Variants in HNRNPUL1 observed in about 807,000 individuals in gnomAD.
The protein encoded by HNRNPUL1 is heterogeneous nuclear ribonucleoprotein U like 1.
A neutral mutation model predicts 108.5 loss-of-function variants in HNRNPUL1; 14 were observed. The observed-to-expected ratio is 0.13, with a 90% CI of 0.09 to 0.20. HNRNPUL1 has a LOEUF of 0.20. Ranked by LOEUF, HNRNPUL1 falls within the 10% of genes least tolerant of loss-of-function variation. The probability of loss-of-function intolerance (pLI) is 1.00; values close to 1 mark genes in which losing one functional copy is unlikely to be tolerated. For synonymous variants in HNRNPUL1, 422 were observed against 445.2 expected (o/e 0.95, Z 0.66); for missense variants, 804 against 1,168.3 (o/e 0.69, Z 4.55).
intron 3 of HNRNPUL1, chr19:41,272,477 G>T (rs543525725): frequency 2.4e-6 from 1 of 412,144 alleles, no homozygotes; most frequent in Non-Finnish European, 4.4e-6. Flanking sequence ...ACTTTCACGC[G>T]TGAGATGCCA....
intron 2 of HNRNPUL1, among the ~76,000 whole-genome samples, chr19:41,271,416 CTT>C (rs2035230782): frequency 6.6e-6 from 1 of 152,180 alleles, no homozygotes; most frequent in South Asian, 2.1e-4. Flanking sequence ...AACCAGGAGA[CTT>C]TTCTGAGAGA....
intron 11 of HNRNPUL1, among the ~76,000 whole-genome samples, chr19:41,302,175 AG>A (rs1408651843): frequency 7.3e-6 from 1 of 137,912 alleles, no homozygotes; most frequent in Non-Finnish European, 1.5e-5. Context: ...TAGCAGGCTG[AG>A]GGGTTGGGGC....
At chr19:41,305,234 G>A (rs543922039) in intron 13 of HNRNPUL1, among the ~76,000 whole-genome samples, 67 of 152,320 alleles carry the variant, frequency 4.4e-4, no homozygotes, top group Middle Eastern at 3.4e-3. Context: ...TACTTGGGAA[G>A]CACTTAGTCA....
At chr19:41,265,312 C>T in intron 1 of HNRNPUL1, 5 of 1,292,322 alleles carry the variant, frequency 3.9e-6, no homozygotes, top group South Asian at 1.2e-5. Flanking sequence ...GAATATGCCG[C>T]TGGATGCGAT....
At chr19:41,301,315 C>G (rs2037198210) in intron 10 of HNRNPUL1, among the ~76,000 whole-genome samples, 1 of 152,212 alleles carries the variant, frequency 6.6e-6, no homozygotes, top group Admixed American at 6.5e-5. Flanking sequence ...CATTAGGAAT[C>G]CTTTGCCCTG....
intron 7 of HNRNPUL1, among the ~76,000 whole-genome samples, chr19:41,290,279 C>T (rs922810701): frequency 6.6e-6 from 1 of 151,962 alleles, no homozygotes; most frequent in Non-Finnish European, 1.5e-5. Flanking sequence ...CTGAGATGGG[C>T]ATTTAGAAAA....
chr19:41,275,245 A>G (rs2035477884), intron 4 of HNRNPUL1, among the ~76,000 whole-genome samples: 1 of 152,198 alleles, frequency 6.6e-6, no homozygotes, highest in Admixed American at 6.5e-5. Context: ...GGCGGTAGGA[A>G]TATATGGTGG....
intron 7 of HNRNPUL1, among the ~76,000 whole-genome samples, chr19:41,287,680 C>T (rs1487335622): frequency 2.0e-5 from 3 of 152,062 alleles, no homozygotes; most frequent in Non-Finnish European, 4.4e-5. Context: ...CAGCCTCAGC[C>T]GCCCGAGTAG....
At chr19:41,283,141 T>C (rs2036003548) in intron 7 of HNRNPUL1, among the ~76,000 whole-genome samples, 1 of 152,230 alleles carries the variant, frequency 6.6e-6, no homozygotes, top group Non-Finnish European at 1.5e-5. Context: ...GTCTGTTTCA[T>C]CATTTACTAG....
chr19:41,278,813 AC>A (rs1012815449), intron 5 of HNRNPUL1, among the ~76,000 whole-genome samples: 3 of 152,026 alleles, frequency 2.0e-5, no homozygotes, highest in African/African-American at 7.3e-5. Flanking sequence ...TTATCTTTCT[AC>A]TAGATGTTAC....
intron 5 of HNRNPUL1, chr19:41,276,892 G>A (rs1599783371): frequency 2.0e-5 from 3 of 152,464 alleles, no homozygotes; most frequent in Admixed American, 2.0e-4. Context: ...AAGGTCAGGA[G>A]TTCAATACCA....
intron 7 of HNRNPUL1, among the ~76,000 whole-genome samples, chr19:41,286,089 A>G (rs2036206065): frequency 6.6e-6 from 1 of 152,190 alleles, no homozygotes; most frequent in African/African-American, 2.4e-5. Flanking sequence ...GAGAAAAAAA[A>G]AAAATTAATA....
Position 41,294,224 on chromosome 19 carries a change from C to A in HNRNPUL1, c.1267-114C>A. The A allele has an allele frequency of 1.7e-6, 2 of 1,210,552 alleles. No individual in the cohort carries two copies. Among genetic ancestry groups the A allele is most frequent in the African/African-American group, 1.5e-5 (1 of 66,656 alleles). The allele number at this position is 1,210,552 out of a possible 1,614,324, so 75.0% of individuals were successfully genotyped here. On this transcript the variant is annotated intron_variant, in intron 8 of 14. Transcript: ENST00000392006. This position sits in a 1 kb window ranked among gnomAD's most constrained non-coding sequence, Gnocchi z 4.3. ...GTGAGGTAGATGGTATTACTGCTTCCGCTTTGTAGAGGCAGCCACAGCTCA... is the reference window on the plus strand; with the variant it reads ...GTGAGGTAGATGGTATTACTGCTTCAGCTTTGTAGAGGCAGCCACAGCTCA...
intron 7 of HNRNPUL1, among the ~76,000 whole-genome samples, chr19:41,289,287 G>C (rs2036440559): frequency 6.6e-6 from 1 of 152,094 alleles, no homozygotes; most frequent in East Asian, 1.9e-4. Flanking sequence ...AAAAATCATT[G>C]GTCTCCTGGA....
At position 41,272,138 on chromosome 19, in the gene HNRNPUL1, T is replaced by G; in HGVS notation, c.475T>G (p.Ser159Ala). The G allele has an allele frequency of 6.2e-7, 1 of 1,613,844 alleles. No individual in the cohort carries two copies. Among genetic ancestry groups the G allele is most frequent in the Non-Finnish European group, 8.5e-7 (1 of 1,179,912 alleles). ...APTSFLPPEA[S>A]QLKPDRQQFQ... is the part of the protein sequence containing the mutation. The stretch of plus-strand genomic sequence containing the variant: ...CACCAGCTTCCTCCCGCCTGAAGCT[T>G]CTCAACTCAAGCCAGACAGGCAGCA... Residue 159 changes from serine (S) to alanine (A), a missense_variant, in exon 3 of 15, where the codon TCT becomes GCT. Physicochemically the swap from Ser to Ala is moderately conservative, Grantham distance 99. Coordinates refer to ENST00000392006, the MANE Select transcript of HNRNPUL1 (RefSeq NM_007040.6).
intron 7 of HNRNPUL1, among the ~76,000 whole-genome samples, chr19:41,290,428 A>G (rs2036517289): frequency 6.6e-6 from 1 of 152,224 alleles, no homozygotes; most frequent in African/African-American, 2.4e-5. Flanking sequence ...TATTCAAAAT[A>G]AGTCAGACAC....
chr19:41,302,803 T>G lies in HNRNPUL1; in HGVS notation c.1826T>G (p.Phe609Cys), dbSNP rs765500966. ...RKAGPPPEKR[F>C]DNRGGGGFRG... The stretch of plus-strand genomic sequence containing the variant: ...GCTGGGCCACCCCCTGAAAAGCGCT[T>G]TGACAACCGAGGTGGTGGTGGCTTC... The change falls in exon 12 of 15, where the codon TTT (phenylalanine) becomes TGT (cysteine). Residue 609 changes from phenylalanine (F) to cysteine (C), a missense_variant. By Grantham distance (205) the Phe-to-Cys change is radical. Around this residue, in one of 4 missense-constraint regions of HNRNPUL1, gnomAD observed 294 missense variants for 388.3 expected, o/e 0.76. Transcript: ENST00000392006. The G allele has an allele frequency of 6.2e-7, 1 of 1,609,322 alleles. No individual in the cohort carries two copies. The highest frequency in any genetic ancestry group is 8.5e-7 in the Non-Finnish European group (1 of 1,176,402).
intron 8 of HNRNPUL1, among the ~76,000 whole-genome samples, chr19:41,293,178 A>G (rs1392976588): frequency 6.6e-6 from 1 of 152,190 alleles, no homozygotes; most frequent in African/African-American, 2.4e-5. Flanking sequence ...TGTATGTGTA[A>G]GTTATTTATG....
intron 7 of HNRNPUL1, among the ~76,000 whole-genome samples, chr19:41,287,172 C>T (rs969918474): frequency 3.3e-5 from 5 of 151,652 alleles, no homozygotes; most frequent in African/African-American, 1.2e-4. Context: ...CACACCACGA[C>T]ATCTAGCTAA....
Sources: gnomAD v4.1 joint callset for allele counts (sites outside exome capture counted in the v4.1 genomes callset) on GRCh38, gnomAD v4.1.1 for gene constraint, gnomAD v4.1.1 regional missense constraint, Gnocchi (gnomAD v3.1) non-coding constraint, MANE v1.5 for transcripts, NCBI Gene and HGNC (gene_info 2026-07-23, HGNC 2026-07-21) for gene names.